ZNF385D: variants seen among roughly 807,000 people sequenced by gnomAD.
ZNF385D encodes zinc finger protein 659.
Under a neutral mutation model 35.8 loss-of-function variants are expected in ZNF385D, and 15 were observed. The observed-to-expected ratio is 0.42, with a 90% CI of 0.28 to 0.64. The LOEUF (loss-of-function observed/expected upper bound fraction) is 0.64, where lower values mean the gene tolerates loss of function less well. ZNF385D is among the 30% of genes least tolerant of loss of function. ZNF385D has a pLI of 0.23. For synonymous variants in ZNF385D, 212 were observed against 186.8 expected (o/e 1.13, Z -1.10); for missense variants, 474 against 494.6 (o/e 0.96, Z 0.39).
At chr3:22,066,521 G>C (rs1699967694) in intron 3 of ZNF385D, among the ~76,000 whole-genome samples, 1 of 126,314 alleles carries the variant, frequency 7.9e-6, no homozygotes, top group Non-Finnish European at 1.7e-5. Context: ...GATACTGGGT[G>C]AGATGGTTCC....
chr3:22,075,334 A>G lies in ZNF385D; in HGVS notation c.325+93483T>C, dbSNP rs560853253. 1.3e-4 allele frequency among the ~76,000 whole-genome samples: 19 copies of G among 151,860 alleles called. 1 individual carries two copies. The highest frequency in any genetic ancestry group is 9.2e-4 in the Admixed American group (14 of 15,212). The stretch of plus-strand genomic sequence containing the variant: ...TTCCTCTCCAGAGGCCTAATGTGCA[A>G]TCACCTCTCCTCCCTCATCCCAATT... On this transcript the variant is annotated intron_variant, in intron 3 of 5. Coordinates refer to the ZNF385D transcript ENST00000494108.
At chr3:21,947,389 T>C (rs1175440859) in intron 3 of ZNF385D, among the ~76,000 whole-genome samples, 1 of 152,106 alleles carries the variant, frequency 6.6e-6, no homozygotes, top group African/African-American at 2.4e-5. Flanking sequence ...TCTCGCTCTG[T>C]CGCCCAGATT....
intron 3 of ZNF385D, among the ~76,000 whole-genome samples, chr3:21,820,018 T>C (rs924507301): frequency 1.3e-4 from 20 of 150,910 alleles, no homozygotes; most frequent in African/African-American, 4.6e-4. Flanking sequence ...CACAAAGCAT[T>C]TTAGTAATAG....
chr3:22,198,674 A>G (rs911842378), intron 2 of ZNF385D, among the ~76,000 whole-genome samples: 2 of 152,108 alleles, frequency 1.3e-5, no homozygotes, highest in African/African-American at 2.4e-5. Flanking sequence ...AAATGACTAC[A>G]TATTTGTAAT....
intron 3 of ZNF385D, among the ~76,000 whole-genome samples, chr3:21,895,874 G>A (rs1699109465): frequency 6.6e-6 from 1 of 152,106 alleles, no homozygotes; most frequent in Non-Finnish European, 1.5e-5. Context: ...AGGAAAAAGA[G>A]TCTATGAAGT....
chr3:22,159,694 G>A (rs138230084), intron 3 of ZNF385D, among the ~76,000 whole-genome samples: 3 of 152,080 alleles, frequency 2.0e-5, no homozygotes, highest in African/African-American at 7.2e-5. Flanking sequence ...TGAACACAGT[G>A]AAATTAGCAT....
At chr3:21,889,790 G>T (rs573820932) in intron 3 of ZNF385D, among the ~76,000 whole-genome samples, 20 of 152,278 alleles carry the variant, frequency 1.3e-4, no homozygotes, top group African/African-American at 4.6e-4. Context: ...TTATCTCACA[G>T]TTCTGGAGAC....
chr3:22,285,529 ACTTT>A (rs1347242383), intron 2 of ZNF385D, among the ~76,000 whole-genome samples: 1 of 151,164 alleles, frequency 6.6e-6, no homozygotes, highest in Non-Finnish European at 1.5e-5. Flanking sequence ...TTATTCAATA[ACTTT>A]ATTTATTTTT....
chr3:21,864,976 C>G (rs922130225), intron 3 of ZNF385D, among the ~76,000 whole-genome samples: 1 of 107,548 alleles, frequency 9.3e-6, no homozygotes, highest in Non-Finnish European at 1.8e-5. Flanking sequence ...AGCCAACCTA[C>G]GTTTGGAACA....
rs1247442688 is a variant in ZNF385D at position 21,709,540 on chromosome 3, T to G, written c.22+41355A>C. ...CTCACCTTTTTCTTTAGCCTCCTTG[T>G]CTACTCTTAAAGCATCAATTTCCCA... On this transcript the variant is annotated intron_variant, in intron 1 of 7. Coordinates refer to ENST00000281523, the MANE Select transcript of ZNF385D (RefSeq NM_024697.3). Among the ~76,000 whole-genome samples, 3 of 152,126 alleles carry G rather than the reference T, an allele frequency of 2.0e-5. No homozygotes were observed. In the East Asian group the frequency reaches 5.8e-4, roughly 29 times the overall value.
intron 2 of ZNF385D, among the ~76,000 whole-genome samples, chr3:21,575,942 A>G (rs898706672): frequency 2.0e-5 from 3 of 152,204 alleles, no homozygotes; most frequent in African/African-American, 7.2e-5. Context: ...GCAGTGGGAA[A>G]ACCTGGATTC....
At chr3:22,090,562 T>C (rs1021129256) in intron 3 of ZNF385D, among the ~76,000 whole-genome samples, 4 of 152,148 alleles carry the variant, frequency 2.6e-5, no homozygotes, top group African/African-American at 7.2e-5. Context: ...AGAGCCACCA[T>C]GAGAACCATA....
intron 2 of ZNF385D, among the ~76,000 whole-genome samples, chr3:22,174,157 A>C (rs1211926568): frequency 6.6e-6 from 1 of 152,176 alleles, no homozygotes; most frequent in African/African-American, 2.4e-5. Flanking sequence ...TATAAAATGA[A>C]AGTATGTAAA....
chr3:21,637,953 C>G (rs990318703), intron 2 of ZNF385D, among the ~76,000 whole-genome samples: 4 of 151,960 alleles, frequency 2.6e-5, no homozygotes, highest in African/African-American at 9.7e-5. Context: ...ATACATTTGC[C>G]CTATACTTTC....
At chr3:21,993,660 A>T (rs925894702) in intron 3 of ZNF385D, among the ~76,000 whole-genome samples, 1 of 152,204 alleles carries the variant, frequency 6.6e-6, no homozygotes, top group African/African-American at 2.4e-5. Flanking sequence ...TAAAAGAGCT[A>T]TATCATGAGA....
chr3:22,070,487 A>C (rs550210926), intron 3 of ZNF385D, among the ~76,000 whole-genome samples: 1 of 152,094 alleles, frequency 6.6e-6, no homozygotes, highest in Non-Finnish European at 1.5e-5. Context: ...TACTTGCTTC[A>C]TTATCTCAAA....
At chr3:21,854,637 G>A (rs1052077079) in intron 3 of ZNF385D, among the ~76,000 whole-genome samples, 66 of 151,800 alleles carry the variant, frequency 4.3e-4, no homozygotes, top group African/African-American at 4.8e-5. Flanking sequence ...TCTTTTTGTT[G>A]TTGTTGTTGG....
At chr3:22,084,286 C>T (rs1362184408) in intron 3 of ZNF385D, among the ~76,000 whole-genome samples, 1 of 152,088 alleles carries the variant, frequency 6.6e-6, no homozygotes, top group Admixed American at 6.6e-5. Flanking sequence ...CACAGACTGG[C>T]AAATTGGATA....
At chr3:21,963,321 A>G (rs1219127528) in intron 3 of ZNF385D, among the ~76,000 whole-genome samples, 1 of 152,170 alleles carries the variant, frequency 6.6e-6, no homozygotes, top group African/African-American at 2.4e-5. Context: ...AGCAGTGGCC[A>G]GGAGAAGGAT....
Sources: allele counts gnomAD v4.1 joint callset (sites outside exome capture counted in the v4.1 genomes callset), GRCh38; gene constraint gnomAD v4.1.1; transcripts MANE v1.5; gene names NCBI Gene and HGNC (gene_info 2026-07-23, HGNC 2026-07-21).